The following PSMG2 variants were observed in gnomAD, a reference collection of about 807,000 sequenced individuals.
PSMG2 encodes the protein proteasome assembly chaperone 2.
In PSMG2, 21 loss-of-function variants were observed where a neutral mutation model predicts 31.5. The observed-to-expected ratio is 0.67, with a 90% CI of 0.47 to 0.96. The LOEUF is 0.96. PSMG2 is among the 40% of genes least tolerant of loss of function. PSMG2 has a pLI of 0.00. For missense variants in PSMG2, 318 were observed against 321.2 expected (o/e 0.99, Z 0.08); for synonymous variants, 120 against 110.4 (o/e 1.09, Z -0.54).
At chr18:12,661,498 G>A (rs1353661087) in intron 1 of PSMG2, 1 of 293,356 alleles carries the variant, frequency 3.4e-6, no homozygotes, top group Non-Finnish European at 5.1e-6. Context: ...GAGGCCAGGC[G>A]CAGTGGCTCA....
intron 1 of PSMG2, among the ~76,000 whole-genome samples, chr18:12,679,996 C>T (rs982765657): frequency 1.3e-5 from 2 of 149,232 alleles, no homozygotes; most frequent in Non-Finnish European, 1.5e-5. Context: ...GGGGAGGCTG[C>T]AGTGGGCTGT....
At chr18:12,691,223 A>G (rs1313444478) in intron 1 of PSMG2, 5 of 572,076 alleles carry the variant, frequency 8.7e-6, no homozygotes, top group African/African-American at 7.7e-5. Context: ...AGAATATTAC[A>G]AAATCAGCAT....
intron 1 of PSMG2, chr18:12,674,563 G>A (rs147413628): frequency 4.3e-6 from 7 of 1,613,562 alleles, no homozygotes; most frequent in Non-Finnish European, 5.1e-6. Context: ...TGCACGTCTT[G>A]CATTTCTATA....
At chr18:12,671,587 CTTTT>C (rs975871671) in intron 1 of PSMG2, among the ~76,000 whole-genome samples, 6 of 142,494 alleles carry the variant, frequency 4.2e-5, no homozygotes, top group Non-Finnish European at 8.9e-5. Flanking sequence ...TCACTTAACA[CTTTT>C]TTTAATATAT....
intron 6 of PSMG2, 97 bp downstream of exon 6, chr18:12,724,716 T>G: frequency 8.2e-7 from 1 of 1,220,522 alleles, no homozygotes; most frequent in Non-Finnish European, 1.1e-6. Flanking sequence ...AGTGAACGTT[T>G]GTATTAAATA....
At chr18:12,681,037 A>G (rs2039329073) in intron 1 of PSMG2, among the ~76,000 whole-genome samples, 1 of 152,050 alleles carries the variant, frequency 6.6e-6, no homozygotes, top group Non-Finnish European at 1.5e-5. Context: ...TGTCTCTACT[A>G]AAAATACAAA....
At chr18:12,666,531 C>G (rs1024249699) in intron 1 of PSMG2, among the ~76,000 whole-genome samples, 1 of 148,682 alleles carries the variant, frequency 6.7e-6, no homozygotes, top group Non-Finnish European at 1.5e-5. Context: ...CTCCTAACGT[C>G]CCGCCTCAAT....
At chr18:12,674,741 T>C in intron 1 of PSMG2, 1 of 1,613,166 alleles carries the variant, frequency 6.2e-7, no homozygotes, top group Non-Finnish European at 8.5e-7. Context: ...CAAACAGTAG[T>C]GAGGCCAAGA....
upstream of PSMG2, among the ~76,000 whole-genome samples, chr18:12,701,530 C>T (rs898174536): frequency 9.2e-5 from 14 of 152,126 alleles, no homozygotes; most frequent in African/African-American, 3.1e-4. Flanking sequence ...TCTGTTTCGT[C>T]ACCGATAAGA....
rs1195568002 is a variant in PSMG2, at chr18:12,725,463, T to C, written c.727T>C (p.Ser243Pro). Residue 243 changes from serine to proline, a missense_variant, in exon 7 of 7, where the codon TCA becomes CCA. Ser to Pro is a moderately conservative substitution (Grantham distance 74). Transcript: ENST00000317615. Reference sequence around the variant, plus strand: ...GAGCGATGACCCCACAGTATCTGCCTCACGGTGGAAAATACCAAGTTCTTG... The same window carrying C: ...GAGCGATGACCCCACAGTATCTGCCCCACGGTGGAAAATACCAAGTTCTTG... ...PLSDDPTVSA[S>P]RWKIPSSWRL... is the part of the protein sequence containing the mutation. The C allele has an allele frequency of 1.9e-6, 3 of 1,602,184 alleles. No homozygotes were observed. The highest frequency in any genetic ancestry group is 2.7e-5 in the African/African-American group (2 of 74,642).
chr18:12,724,840 A>C (rs371183763), intron 6 of PSMG2: 49 of 446,652 alleles, frequency 1.1e-4, no homozygotes, highest in African/African-American at 9.3e-4. Context: ...CAAAAAGGAA[A>C]ATCCTTAGTT....
At chr18:12,712,672 T>A (rs2040342396) in intron 2 of PSMG2, 30 bp from the exon 3 acceptor site, 1 of 1,520,050 alleles carries the variant, frequency 6.6e-7, no homozygotes, top group Non-Finnish European at 9.1e-7. Flanking sequence ...TTCACTGTCA[T>A]ATGATTTCAT....
At chr18:12,658,806 T>C in intron 1 of PSMG2, 4 of 311,552 alleles carry the variant, frequency 1.3e-5, no homozygotes, top group South Asian at 2.4e-5. Context: ...TCTTTACGGG[T>C]TTTCCTCACT....
intron 1 of PSMG2, among the ~76,000 whole-genome samples, chr18:12,696,608 G>T (rs1386485952): frequency 6.6e-6 from 1 of 152,274 alleles, no homozygotes; most frequent in South Asian, 2.1e-4. Flanking sequence ...TCCATTATAT[G>T]TTATAGATAA....
At chr18:12,718,489 CT>C in intron 3 of PSMG2, 27 bp from the exon 4 acceptor site, 2 of 1,434,720 alleles carry the variant, frequency 1.4e-6, no homozygotes, top group Non-Finnish European at 1.9e-6. Flanking sequence ...TTTAGATTTT[CT>C]TTTTATTCTC....
At chr18:12,699,696 T>A, upstream of PSMG2, 1 of 571,886 alleles carries the variant, frequency 1.7e-6, no homozygotes, top group Non-Finnish European at 3.0e-6. Flanking sequence ...ACAATCTGTT[T>A]TAGCCAACCA....
intron 1 of PSMG2, among the ~76,000 whole-genome samples, chr18:12,680,391 T>A (rs2039302672): frequency 6.6e-6 from 1 of 151,032 alleles, no homozygotes; most frequent in African/African-American, 2.4e-5. Context: ...AGGTCAGGAG[T>A]TCGAGACCAG....
chr18:12,712,858 A>G, intron 3 of PSMG2, 98 bp downstream of exon 3: 3 of 886,758 alleles, frequency 3.4e-6, no homozygotes, highest in Non-Finnish European at 5.4e-6. Flanking sequence ...TGTTTTTACC[A>G]TATGTACAGT....
intron 1 of PSMG2, among the ~76,000 whole-genome samples, chr18:12,695,989 T>G (rs2039943115): frequency 6.6e-6 from 1 of 152,158 alleles, no homozygotes; most frequent in Admixed American, 6.5e-5. Context: ...CATGCCTGGA[T>G]TTAAAGAACT....
Sources: allele counts gnomAD v4.1 joint callset (sites outside exome capture counted in the v4.1 genomes callset), GRCh38; gene constraint gnomAD v4.1.1; transcripts MANE v1.5; gene names NCBI Gene and HGNC (gene_info 2026-07-23, HGNC 2026-07-21).